The following COBL variants were observed in gnomAD, a reference collection of about 807,000 sequenced individuals.
COBL encodes cordon-bleu WH2 repeat protein.
Under a neutral mutation model 98.8 loss-of-function variants are expected in COBL, and 51 were observed. The ratio of observed to expected loss-of-function variants is 0.52; its 90% CI spans 0.41 to 0.65. The LOEUF (loss-of-function observed/expected upper bound fraction) is 0.65. Among genes scored for constraint, COBL ranks in the 30% least tolerant of loss-of-function variants. The pLI, the probability that COBL is intolerant of heterozygous loss-of-function variation, is 0.00. For synonymous variants in COBL, 634 were observed against 651.7 expected (o/e 0.97, Z 0.41); for missense variants, 1,617 against 1,617.5 (o/e 1.00, Z 0.01).
At chr7:51,127,869 TTGTTCTTGACCTTCAC>T (rs2128997306) in intron 6 of COBL, among the ~76,000 whole-genome samples, 1 of 152,314 alleles carries the variant, frequency 6.6e-6, no homozygotes, top group African/African-American at 2.4e-5. Flanking sequence ...ATACCACTCA[TTGTTCTTGACCTTCAC>T]TGGAGGATGG....
At chr7:51,177,995 A>C (rs1788566304) in intron 5 of COBL, among the ~76,000 whole-genome samples, 1 of 151,908 alleles carries the variant, frequency 6.6e-6, no homozygotes, top group African/African-American at 2.4e-5. Context: ...AAAATACAAA[A>C]ATTAGCTGGG....
At chr7:51,101,152 TC>T (rs920223857) in intron 6 of COBL, among the ~76,000 whole-genome samples, 20 of 152,334 alleles carry the variant, frequency 1.3e-4, no homozygotes, top group African/African-American at 1.9e-4. Context: ...ACCATGTATT[TC>T]CCAGTCATGG....
At chr7:51,135,879 C>A (rs1040536769) in intron 6 of COBL, among the ~76,000 whole-genome samples, 9 of 152,190 alleles carry the variant, frequency 5.9e-5, no homozygotes, top group Non-Finnish European at 1.2e-4. Context: ...ATCTTTACAG[C>A]TGCATGGTGG....
At position 51,264,434 on chromosome 7, in the gene COBL, G is replaced by A. The variant is rs542373790; in HGVS notation, c.42-44490C>T. ...GCCTGTAATCCTACCAATTTGGGAGGTCAACACGGGTGGATCACCTGAGGT... is the reference window on the plus strand; with the variant it reads ...GCCTGTAATCCTACCAATTTGGGAGATCAACACGGGTGGATCACCTGAGGT... On this transcript the variant is annotated intron_variant, in intron 1 of 12. Transcript: ENST00000265136. Among the ~76,000 whole-genome samples the A allele has an allele frequency of 3.3e-5, 5 of 152,170 alleles. No homozygotes were observed. The East Asian group carries it at 9.7e-4, about 29-fold the overall frequency.
At chr7:51,277,703 T>C (rs2129172338) in intron 1 of COBL, among the ~76,000 whole-genome samples, 1 of 152,270 alleles carries the variant, frequency 6.6e-6, no homozygotes, top group South Asian at 2.1e-4. Context: ...TTGTAGTTTC[T>C]ACACTGCCAA....
intron 5 of COBL, among the ~76,000 whole-genome samples, chr7:51,151,603 C>T (rs7786025): frequency 3.3e-5 from 5 of 152,204 alleles, no homozygotes; most frequent in Admixed American, 2.0e-4. Flanking sequence ...GGTAGCTTCA[C>T]AAAAGCATAC....
At chr7:51,240,639 T>G (rs1795701956) in intron 1 of COBL, among the ~76,000 whole-genome samples, 1 of 152,090 alleles carries the variant, frequency 6.6e-6, no homozygotes, top group Admixed American at 6.6e-5. Flanking sequence ...CTCCACCTCC[T>G]GGGTTCAAGC....
chr7:51,017,614 C>T, intron 12 of COBL, 46 bp from the exon 13 acceptor site: 4 of 1,605,622 alleles, frequency 2.5e-6, no homozygotes, highest in Non-Finnish European at 3.4e-6. Flanking sequence ...TCAATAAGCC[C>T]AGGATGCAGA....
At chr7:51,310,102 C>T (rs1007395254) in intron 1 of COBL, among the ~76,000 whole-genome samples, 2 of 152,172 alleles carry the variant, frequency 1.3e-5, no homozygotes, top group South Asian at 2.1e-4. Context: ...TGGAACTAGC[C>T]GCACACAGCT....
At chr7:51,201,150 G>T (rs1791081435) in intron 2 of COBL, among the ~76,000 whole-genome samples, 1 of 150,108 alleles carries the variant, frequency 6.7e-6, no homozygotes, top group Admixed American at 6.7e-5. Context: ...TGAGGCAGAA[G>T]AATTGCTTGA....
intron 10 of COBL, 94 bp from the exon 11 acceptor site, chr7:51,026,759 A>ATGAGCCAC: frequency 6.9e-7 from 1 of 1,459,682 alleles, no homozygotes; most frequent in Non-Finnish European, 9.4e-7. Context: ...TGGGCCAGGC[A>ATGAGCCAC]CGGTGGCTCA....
chr7:51,285,716 T>A (rs150400442), intron 1 of COBL, among the ~76,000 whole-genome samples: 1 of 152,352 alleles, frequency 6.6e-6, no homozygotes, highest in East Asian at 1.9e-4. Flanking sequence ...TCAGCATGGC[T>A]GTTTTTGTAG....
intron 12 of COBL, chr7:51,023,100 CAT>C (rs1483159789): frequency 2.0e-5 from 3 of 152,194 alleles, no homozygotes; most frequent in Non-Finnish European, 2.9e-5. Context: ...CGGTGGCTGT[CAT>C]GTGTGTGGGG....
intron 6 of COBL, among the ~76,000 whole-genome samples, chr7:51,134,498 A>G (rs929197386): frequency 1.3e-5 from 2 of 152,236 alleles, no homozygotes; most frequent in African/African-American, 4.8e-5. Context: ...AAATGCAGAA[A>G]AATACAACAT....
intron 1 of COBL, among the ~76,000 whole-genome samples, chr7:51,238,071 C>A (rs74576314): frequency 6.6e-6 from 1 of 152,340 alleles, no homozygotes; most frequent in East Asian, 1.9e-4. Flanking sequence ...ACCAAGATGG[C>A]CCACGCCAGC....
chr7:51,206,865 G>A (rs1791784727), intron 2 of COBL, among the ~76,000 whole-genome samples: 1 of 152,180 alleles, frequency 6.6e-6, no homozygotes, highest in Non-Finnish European at 1.5e-5. Context: ...GCAGGGGCTG[G>A]GCAATAGGGA....
intron 7 of COBL, among the ~76,000 whole-genome samples, chr7:51,068,485 C>A (rs999839177): frequency 1.3e-5 from 2 of 152,192 alleles, no homozygotes; most frequent in East Asian, 3.8e-4. Flanking sequence ...ATTTTGCTAA[C>A]TTTCCCATTC....
chr7:51,099,915 T>C (rs1795664238), intron 6 of COBL, among the ~76,000 whole-genome samples: 1 of 152,196 alleles, frequency 6.6e-6, no homozygotes, highest in Admixed American at 6.5e-5. Flanking sequence ...TTGTAAGACT[T>C]TTCTAGGCCT....
chr7:51,256,422 T>G, intron 1 of COBL, among the ~76,000 whole-genome samples: 1 of 152,222 alleles, frequency 6.6e-6, no homozygotes, highest in East Asian at 1.9e-4. Flanking sequence ...GAGGGCCCAC[T>G]GCTGGGGCTT....
Sources: gnomAD v4.1 joint callset for allele counts (sites outside exome capture counted in the v4.1 genomes callset) on GRCh38, gnomAD v4.1.1 for gene constraint, MANE v1.5 for transcripts, NCBI Gene and HGNC (gene_info 2026-07-23, HGNC 2026-07-21) for gene names.